The following MPV17L variants were observed in gnomAD, a reference collection of about 807,000 sequenced individuals.
MPV17L encodes MPV17 mitochondrial inner membrane protein like.
In MPV17L, 24 loss-of-function variants were observed where a neutral mutation model predicts 25.8. The ratio of observed to expected loss-of-function variants is 0.93; its 90% confidence interval spans 0.67 to 1.31. MPV17L has a LOEUF of 1.31. Among genes scored for constraint, MPV17L ranks in the 50% most tolerant of loss-of-function variants. MPV17L has a pLI of 0.00. For synonymous variants in MPV17L, 102 were observed against 115.3 expected (o/e 0.88, Z 0.74); for missense variants, 250 against 265.6 (o/e 0.94, Z 0.41).
chr16:15,401,083 TATA>T (rs148767763), intron 2 of MPV17L, among the ~76,000 whole-genome samples: 414 of 40,578 alleles, frequency 0.01, 2 homozygotes, highest in East Asian at 0.043. Context: ...TATATATATA[TATA>T]TTTTTTTTTT....
intron 1 of MPV17L, among the ~76,000 whole-genome samples, chr16:15,397,139 C>G (rs2150903725): frequency 6.6e-6 from 1 of 152,050 alleles, no homozygotes; most frequent in Admixed American, 6.6e-5. Flanking sequence ...AGTGTGTCCC[C>G]CAGAGAAAGA....
intron 2 of MPV17L, among the ~76,000 whole-genome samples, chr16:15,406,367 AG>A (rs1272089147): frequency 1.3e-5 from 2 of 152,164 alleles, no homozygotes; most frequent in Non-Finnish European, 1.5e-5. Flanking sequence ...AGTAAAAAGA[AG>A]AAAATAAGTC....
intron 1 of MPV17L, among the ~76,000 whole-genome samples, chr16:15,399,752 G>A (rs2050617681): frequency 1.3e-5 from 2 of 152,016 alleles, no homozygotes; most frequent in South Asian, 2.1e-4. Flanking sequence ...GGGTCCACTG[G>A]CCTTTTTTTA....
rs1032836646 is a variant in MPV17L, at chr16:15,409,905, A to G, written c.*1793A>G. ...TTTTATTGATGTCTTCTATTTTTAT[A>G]ATTTTTAATGAATGCTTTTTAGTTT... On this transcript the variant is annotated 3_prime_UTR_variant, in exon 4 of 4. Transcript: ENST00000396385. 6.6e-6 allele frequency: 1 copy of G among 152,180 alleles called. No individual in the cohort carries two copies. The highest frequency in any genetic ancestry group is 6.5e-5 in the Admixed American group (1 of 15,270). The allele number at this position is 152,180 out of a possible 1,614,324, so 9.4% of individuals were successfully genotyped here.
chr16:15,403,184 A>G (rs2050652269), intron 2 of MPV17L, among the ~76,000 whole-genome samples: 1 of 151,466 alleles, frequency 6.6e-6, no homozygotes, highest in Non-Finnish European at 1.5e-5. Context: ...CCTGGCTAAC[A>G]TGGTGAAACC....
In MPV17L at chr16:15,398,587, TTTC is replaced by T. The variant is rs1032148311; in HGVS notation, c.311-2197_311-2195del. Among the ~76,000 whole-genome samples the T allele has an allele frequency of 7.0e-5, 6 of 86,012 alleles. No homozygotes were observed. The East Asian group carries it at 1.6e-3, about 23-fold the overall frequency. 56.4% of individuals were successfully genotyped at this position (86,012 alleles called of 152,430 possible). On this transcript the variant is annotated intron_variant, in intron 1 of 3. Transcript: ENST00000396385. ...TGGTCTTCAGTTTTTCTTTTCTTTC[TTTC>T]TTTTTTTTTTTTTTTGAAACGGAGT...
chr16:15,399,573 T>C lies in MPV17L; in HGVS notation c.311-1214T>C, dbSNP rs945558185. On this transcript the variant is annotated intron_variant, in intron 1 of 3. Transcript: ENST00000396385. ...GGCACGCACCCCTATACCTGGCTGG[T>C]TTTTAAATAGTTTTGTAGAGACAAG... 1.5e-4 allele frequency: 50 copies of C among 325,562 alleles called. No individual in the cohort carries two copies. The Admixed American group carries it at 1.8e-3, about 12-fold the overall frequency. 20.2% of individuals were successfully genotyped at this position (325,562 alleles called of 1,614,324 possible).
chr16:15,404,935 A>T (rs752141426), intron 2 of MPV17L, among the ~76,000 whole-genome samples: 1 of 152,214 alleles, frequency 6.6e-6, no homozygotes, highest in Admixed American at 6.5e-5. Context: ...AGGAGAGTTC[A>T]TGGCAGGGTT....
At chr16:15,396,728 C>A (rs1598421346) in intron 1 of MPV17L, among the ~76,000 whole-genome samples, 1 of 152,196 alleles carries the variant, frequency 6.6e-6, no homozygotes, top group East Asian at 1.9e-4. Context: ...GGATCAGTGA[C>A]CCTGAGGGGC....
At chr16:15,406,643 A>C (rs1173743948) in intron 2 of MPV17L, among the ~76,000 whole-genome samples, 3 of 152,148 alleles carry the variant, frequency 2.0e-5, no homozygotes, top group Admixed American at 6.6e-5. Context: ...CAACAATTCA[A>C]GGCTGGGCAC....
intron 1 of MPV17L, among the ~76,000 whole-genome samples, chr16:15,398,245 T>C (rs771617116): frequency 2.6e-5 from 4 of 152,014 alleles, no homozygotes; most frequent in Non-Finnish European, 4.4e-5. Flanking sequence ...GGTTTCACCA[T>C]GTTGGCCAGG....
intron 1 of MPV17L, among the ~76,000 whole-genome samples, chr16:15,396,455 A>G (rs904546543): frequency 6.6e-6 from 1 of 152,154 alleles, no homozygotes; most frequent in African/African-American, 2.4e-5. Flanking sequence ...GGGGAGCCAG[A>G]GGTCCACCAG....
Position 15,410,637 on chromosome 16 carries a change from G to A in MPV17L, c.*2525G>A, listed in dbSNP as rs1261887778. 1 of 152,088 alleles carries A rather than the reference G, an allele frequency of 6.6e-6. No individual in the cohort carries two copies. The highest frequency in any genetic ancestry group is 6.6e-5 in the Admixed American group (1 of 15,264). The allele number at this position is 152,088 out of a possible 1,614,324, so 9.4% of individuals were successfully genotyped here. A position where few individuals can be genotyped will look rare whatever the true frequency, so the allele number is the denominator to read the frequency against. Reference sequence around the variant, plus strand: ...TGTCATGTTCCACAGATTTCAAGTTGTGAAGCCCTGAACTGTTAATTTATC... The same window carrying A: ...TGTCATGTTCCACAGATTTCAAGTTATGAAGCCCTGAACTGTTAATTTATC... On this transcript the variant is annotated 3_prime_UTR_variant, in exon 4 of 4. Transcript: ENST00000396385.
intron 2 of MPV17L, among the ~76,000 whole-genome samples, chr16:15,404,666 C>T (rs936194529): frequency 1.3e-5 from 2 of 151,868 alleles, no homozygotes; most frequent in African/African-American, 4.8e-5. Context: ...ACTAAAAATA[C>T]AAAAAATTAG....
chr16:15,404,556 C>A (rs1207340870), intron 2 of MPV17L, among the ~76,000 whole-genome samples: 1 of 152,054 alleles, frequency 6.6e-6, no homozygotes, highest in Non-Finnish European at 1.5e-5. Context: ...CATGGTGGCT[C>A]ACGCCTGTAA....
At chr16:15,401,115 T>TA (rs2050637321) in intron 2 of MPV17L, among the ~76,000 whole-genome samples, 1 of 121,558 alleles carries the variant, frequency 8.2e-6, no homozygotes, top group South Asian at 2.7e-4. Flanking sequence ...TTTTTTTAAT[T>TA]AAAAAAACCT....
rs1243872254 is a variant in MPV17L at position 15,409,555 on chromosome 16, A to G, written c.*1443A>G. On this transcript the variant is annotated 3_prime_UTR_variant, in exon 4 of 4. Transcript: ENST00000396385. ...TGTGAGATCCACCCCTGCCCGCAAA[A>G]CATTGCTCCAAACTCCACCACCTAT... The G allele has an allele frequency of 3.9e-5, 6 of 152,168 alleles. No individual in the cohort carries two copies. The highest frequency in any genetic ancestry group is 8.8e-5 in the Non-Finnish European group (6 of 68,038). 9.4% of individuals were successfully genotyped at this position (152,168 alleles called of 1,614,324 possible). A position where few individuals can be genotyped will look rare whatever the true frequency, so the allele number is the denominator to read the frequency against.
chr16:15,399,098 T>C (rs893633008), intron 1 of MPV17L, among the ~76,000 whole-genome samples: 1 of 136,324 alleles, frequency 7.3e-6, no homozygotes, highest in Non-Finnish European at 1.7e-5. Context: ...GGTTGAACTC[T>C]GTCCGCTATT....
chr16:15,407,166 G>A (rs1240628337), intron 2 of MPV17L, among the ~76,000 whole-genome samples: 2 of 152,074 alleles, frequency 1.3e-5, no homozygotes, highest in Non-Finnish European at 2.9e-5. Flanking sequence ...CCAGGAAATT[G>A]CAATGCATAT....
Sources: allele counts gnomAD v4.1 joint callset (sites outside exome capture counted in the v4.1 genomes callset), GRCh38; gene constraint gnomAD v4.1.1; transcripts MANE v1.5; gene names NCBI Gene and HGNC (gene_info 2026-07-23, HGNC 2026-07-21).